The following SRP72 variants were observed in gnomAD, a reference collection of about 807,000 sequenced individuals.
The protein encoded by SRP72 is signal recognition particle subunit SRP72.
Under a neutral mutation model 96.3 loss-of-function variants are expected in SRP72, and 49 were observed. The ratio of observed to expected loss-of-function variants is 0.51; its 90% confidence interval spans 0.40 to 0.65. The LOEUF (loss-of-function observed/expected upper bound fraction) is 0.65. Among genes scored for constraint, SRP72 ranks in the 30% least tolerant of loss-of-function variants. The pLI, the probability that SRP72 is intolerant of heterozygous loss-of-function variation, is 0.00. For synonymous variants in SRP72, 267 were observed against 275.2 expected, an observed-to-expected ratio of 0.97 and a Z score of 0.30; for missense variants, 736 against 793.3, an observed-to-expected ratio of 0.93 and a Z score of 0.87.
intron 5 of SRP72, chr4:56,475,793 C>A (rs1318104702): frequency 6.6e-6 from 1 of 152,016 alleles, no homozygotes; most frequent in Non-Finnish European, 1.5e-5. Flanking sequence ...ATTTACCTAC[C>A]CTTTGATCCA....
chr4:56,496,178 A>C (rs1560688893), intron 17 of SRP72, among the ~76,000 whole-genome samples: 1 of 152,174 alleles, frequency 6.6e-6, no homozygotes, highest in African/African-American at 2.4e-5. Flanking sequence ...GAGCCACCCA[A>C]GTTCCTGAGG....
chr4:56,487,889 T>G, intron 11 of SRP72, 60 bp from the exon 12 acceptor site: 1 of 1,328,836 alleles, frequency 7.5e-7, no homozygotes, highest in African/African-American at 1.5e-5. Context: ...AAATTTCTTG[T>G]ATTTTTTTTT....
intron 16 of SRP72, 182 bp from the exon 17 acceptor site, chr4:56,495,175 C>G (rs1721033617): frequency 5.1e-6 from 2 of 392,394 alleles, no homozygotes; most frequent in Non-Finnish European, 9.4e-6. Flanking sequence ...ATTATAGTAT[C>G]TGAAGCTTAA....
In SRP72 at chr4:56,489,309, C is replaced by T. The variant is rs955155855; in HGVS notation, c.1225-79C>T. On this transcript the variant is annotated intron_variant, in intron 12 of 18. Transcript: ENST00000642900. ...AGCGGAGAGCCTTTATTTGCTATTT[C>T]TTCAGCGTTTTTTATTTTCAAAAGC... 6.7e-5 allele frequency: 48 copies of T among 713,512 alleles called. 2 individuals are homozygous for T. Among genetic ancestry groups the T allele is most frequent in the African/African-American group, 1.1e-4 (6 of 56,010 alleles). The allele number at this position is 713,512 out of a possible 1,614,324, so 44.2% of individuals were successfully genotyped here. A position where few individuals can be genotyped will look rare whatever the true frequency, so the allele number is the denominator to read the frequency against.
Position 56,487,801 on chromosome 4 carries a change from C to T in SRP72, c.1160-148C>T, listed in dbSNP as rs146883970. ...AACAGAGTTCACCATCCCCAAGACC[C>T]CAAAGTTTATATGTTTAGCGATGTT... On this transcript the variant is annotated intron_variant, in intron 11 of 18. Transcript: ENST00000642900. 5.6e-4 allele frequency: 333 copies of T among 596,912 alleles called. 1 individual carries two copies. The highest frequency in any genetic ancestry group is 4.4e-3 in the African/African-American group (225 of 50,852). 37.0% of individuals were successfully genotyped at this position (596,912 alleles called of 1,614,324 possible).
At chr4:56,468,516 GTTC>G (rs978138630) in intron 1 of SRP72, among the ~76,000 whole-genome samples, 3 of 135,112 alleles carry the variant, frequency 2.2e-5, no homozygotes, top group African/African-American at 5.6e-5. Flanking sequence ...GTGGTGCGCA[GTTC>G]TTCTCTACTG....
In SRP72 at chr4:56,503,625, A is replaced by G. The variant is rs192226722; in HGVS notation, c.*1764A>G. On this transcript the variant is annotated 3_prime_UTR_variant, in exon 19 of 19. Transcript: ENST00000642900. ...TGTACATTTATAAGAACCAGTATGG[A>G]TACATCCATTCACTGTGGTACATTT... 5 of 152,364 alleles carry G rather than the reference A, an allele frequency of 3.3e-5. No individual in the cohort carries two copies. The highest frequency in any genetic ancestry group is 3.3e-4 in the Admixed American group (5 of 15,302). The allele number at this position is 152,364 out of a possible 1,614,324, so 9.4% of individuals were successfully genotyped here. A position where few individuals can be genotyped will look rare whatever the true frequency, so the allele number is the denominator to read the frequency against.
chr4:56,481,336 G>T (rs1720475913), intron 8 of SRP72, among the ~76,000 whole-genome samples: 1 of 152,168 alleles, frequency 6.6e-6, no homozygotes, highest in Non-Finnish European at 1.5e-5. Context: ...TACAAAGCTA[G>T]AGTATTGTGC....
chr4:56,477,974 A>G (rs1419395298), intron 6 of SRP72, among the ~76,000 whole-genome samples: 3 of 152,150 alleles, frequency 2.0e-5, no homozygotes. Context: ...GCATTTTTAA[A>G]TGTGATTTTT....
chr4:56,496,166 T>G (rs1038624692), intron 17 of SRP72, among the ~76,000 whole-genome samples: 2 of 152,200 alleles, frequency 1.3e-5, no homozygotes, highest in Admixed American at 6.5e-5. Flanking sequence ...ATGTTATCCT[T>G]GGAGCCACCC....
At chr4:56,500,033 A>G (rs896628691) in intron 17 of SRP72, among the ~76,000 whole-genome samples, 6 of 151,510 alleles carry the variant, frequency 4.0e-5, no homozygotes, top group Non-Finnish European at 7.3e-5. Flanking sequence ...CTATGCAGCC[A>G]TAAAAAACGA....
At chr4:56,476,307 A>G (rs1476220049) in intron 5 of SRP72, 1 of 212,064 alleles carries the variant, frequency 4.7e-6, no homozygotes, top group Non-Finnish European at 9.2e-6. Flanking sequence ...AAAAATATTA[A>G]AAAACTAAAT....
At chr4:56,500,076 A>G (rs1014536301) in intron 17 of SRP72, among the ~76,000 whole-genome samples, 2 of 148,218 alleles carry the variant, frequency 1.3e-5, no homozygotes, top group Non-Finnish European at 1.5e-5. Context: ...ACATGGATGA[A>G]GCTTTAAAAC....
chr4:56,474,810 A>T (rs1245264347), intron 5 of SRP72, among the ~76,000 whole-genome samples: 1 of 152,124 alleles, frequency 6.6e-6, no homozygotes, highest in African/African-American at 2.4e-5. Context: ...TCAGCCTCCC[A>T]AGTAGCTGGG....
At chr4:56,497,511 G>A (rs1560689602) in intron 17 of SRP72, among the ~76,000 whole-genome samples, 1 of 151,932 alleles carries the variant, frequency 6.6e-6, no homozygotes. Flanking sequence ...GAGCCACTGC[G>A]CCCGGCCTGC....
chr4:56,467,863 C>A (rs1319273071), intron 1 of SRP72, 119 bp downstream of exon 1: 3 of 1,002,686 alleles, frequency 3.0e-6, no homozygotes, highest in East Asian at 6.6e-5. Flanking sequence ...CGAAACCCCC[C>A]CGTCTATTGT....
chr4:56,486,045 G>A (rs1191027364), intron 10 of SRP72, among the ~76,000 whole-genome samples: 1 of 152,102 alleles, frequency 6.6e-6, no homozygotes, highest in Non-Finnish European at 1.5e-5. Flanking sequence ...GGAATCGGGG[G>A]TGGTTCTGGA....
intron 6 of SRP72, among the ~76,000 whole-genome samples, chr4:56,478,129 T>C (rs1280554872): frequency 2.0e-5 from 3 of 151,880 alleles, no homozygotes; most frequent in African/African-American, 7.2e-5. Flanking sequence ...TGTTACCATG[T>C]TCTTCTAGGA....
chr4:56,471,720 T>C lies in SRP72; in HGVS notation c.231T>C (p.Asn77=), dbSNP rs1249063701. The C allele has an allele frequency of 2.5e-6, 4 of 1,611,030 alleles. No homozygotes were observed. Among genetic ancestry groups the C allele is most frequent in the East Asian group, 2.2e-5 (1 of 44,804 alleles). The change falls in exon 3 of 19, where the codon AAT becomes AAC. Residue 77 remains asparagine (N), a splice_region_variant and synonymous_variant. Coordinates refer to ENST00000642900, the MANE Select transcript of SRP72 (RefSeq NM_006947.4). ...ATACTGTTTTTTTTTCCTTCTTCAGTAACTCTCTCTCCTTTGAAAAGGCAT... is the reference window on the plus strand; with the variant it reads ...ATACTGTTTTTTTTTCCTTCTTCAGCAACTCTCTCTCCTTTGAAAAGGCAT... ...VINTHTKVLA[N]NSLSFEKAYC...
Sources: allele counts gnomAD v4.1 joint callset (sites outside exome capture counted in the v4.1 genomes callset), GRCh38; gene constraint gnomAD v4.1.1; transcripts MANE v1.5; gene names NCBI Gene and HGNC (gene_info 2026-07-23, HGNC 2026-07-21).